The following RMI1 variants were observed in gnomAD, a reference collection of about 807,000 sequenced individuals.
The protein encoded by RMI1 is recQ-mediated genome instability protein 1.
RMI1 carries 36 observed loss-of-function variants against 46.7 expected under a neutral mutation model. That is an observed-to-expected ratio of 0.77 (90% CI 0.59 to 1.02). RMI1 has a LOEUF of 1.02. RMI1 is among the 50% of genes least tolerant of loss of function. RMI1 has a pLI of 0.00. For missense variants in RMI1, 676 were observed against 713.7 expected (o/e 0.95, Z 0.60); for synonymous variants, 250 against 252.9 (o/e 0.99, Z 0.11).
chr9:83,983,497 A>T (rs1957448546), intron 1 of RMI1, among the ~76,000 whole-genome samples: 1 of 152,198 alleles, frequency 6.6e-6, no homozygotes, highest in Non-Finnish European at 1.5e-5. Flanking sequence ...TTAGATGAAG[A>T]TAATGGAACT....
rs919346517 is a variant in RMI1 at position 83,982,543 on chromosome 9, C to T, written c.-126+1652C>T. ...ATTAGCCGGGTGTGGTTGCAGGAGC[C>T]TGTAGTCCCAGCTACTCAGGAGGCC... is the stretch of plus-strand genomic sequence containing the variant. On this transcript the variant is annotated intron_variant, in intron 1 of 2. Coordinates refer to ENST00000445877, the MANE Select transcript of RMI1 (RefSeq NM_001358291.2). Among the ~76,000 whole-genome samples, 18 of 152,242 alleles carry T rather than the reference C, an allele frequency of 1.2e-4. 1 individual carries two copies. The highest frequency in any genetic ancestry group is 6.8e-3 in the Middle Eastern group (2 of 294).
chr9:83,992,489 C>T (rs1454289698), intron 1 of RMI1, among the ~76,000 whole-genome samples: 1 of 150,842 alleles, frequency 6.6e-6, no homozygotes. Context: ...AGCATAAAAA[C>T]ATGGCACTAA....
chr9:83,993,928 C>T (rs1957611708), intron 1 of RMI1, among the ~76,000 whole-genome samples: 2 of 150,410 alleles, frequency 1.3e-5, no homozygotes, highest in East Asian at 2.0e-4. Flanking sequence ...TACAGGCGTG[C>T]GCCACCATGC....
At position 84,001,763 on chromosome 9, in the gene RMI1, AAAT is replaced by A; in HGVS notation, c.781_783del (p.Asn261del). On this transcript the variant is annotated inframe_deletion, in exon 3 of 3. Coordinates refer to ENST00000445877, the MANE Select transcript of RMI1 (RefSeq NM_001358291.2). ...TTGATGAAAATGATGAGCTTACAGC[AAAT>A]AATGACACTTCCTCAGAACGATGTT... 1 of 1,614,078 alleles carries A rather than the reference AAAT, an allele frequency of 6.2e-7. No individual in the cohort carries two copies. Among genetic ancestry groups the A allele is most frequent in the Non-Finnish European group, 8.5e-7 (1 of 1,179,974 alleles).
intron 1 of RMI1, among the ~76,000 whole-genome samples, chr9:83,994,179 T>C (rs917166473): frequency 2.6e-5 from 4 of 152,354 alleles, no homozygotes. Flanking sequence ...AGAAGTTCTT[T>C]ACATATTCTG....
At chr9:83,984,287 G>A (rs199943259) in intron 1 of RMI1, among the ~76,000 whole-genome samples, 35 of 66,396 alleles carry the variant, frequency 5.3e-4, no homozygotes, top group Middle Eastern at 0.017. Flanking sequence ...TTTTTTTTTT[G>A]AGACTGAGTT....
chr9:83,991,956 G>A (rs1424944752), intron 1 of RMI1, among the ~76,000 whole-genome samples: 2 of 152,034 alleles, frequency 1.3e-5, no homozygotes, highest in Non-Finnish European at 2.9e-5. Flanking sequence ...AATTGTCTTG[G>A]CAATTCTAGT....
chr9:83,983,783 A>G (rs1232335380), intron 1 of RMI1, among the ~76,000 whole-genome samples: 1 of 152,138 alleles, frequency 6.6e-6, no homozygotes, highest in Non-Finnish European at 1.5e-5. Context: ...TCATTCATAC[A>G]ATGCTAATCA....
At chr9:83,999,034 GGGA>G (rs1957699822) in intron 1 of RMI1, among the ~76,000 whole-genome samples, 1 of 152,044 alleles carries the variant, frequency 6.6e-6, no homozygotes, top group Non-Finnish European at 1.5e-5. Context: ...CCAGCTACTG[GGGA>G]TGCTGAGGCA....
At position 84,002,434 on chromosome 9, in the gene RMI1, C is replaced by T. The variant is rs149512376; in HGVS notation, c.1448C>T (p.Ala483Val). The change falls in exon 3 of 3, where the codon GCC becomes GTC. Residue 483 changes from alanine (A) to valine (V), a missense_variant. Coordinates refer to ENST00000445877, the MANE Select transcript of RMI1 (RefSeq NM_001358291.2). The part of the protein sequence containing the change: ...SSENSINLSI[A>V]MDLYSPPFVY... The stretch of plus-strand genomic sequence containing the variant: ...GAGAATAGCATTAATCTTTCTATTG[C>T]CATGGATTTGTATTCTCCACCCTTT... 3.7e-4 allele frequency: 602 copies of T among 1,613,730 alleles called. 2 individuals carry two copies. In the African/African-American group the frequency reaches 5.9e-3, roughly 16 times the overall value.
chr9:83,994,538 A>G (rs1447367478), intron 1 of RMI1, among the ~76,000 whole-genome samples: 1 of 152,162 alleles, frequency 6.6e-6, no homozygotes, highest in Non-Finnish European at 1.5e-5. Flanking sequence ...TCTCAACACC[A>G]TTTGCTGAAG....
intron 1 of RMI1, among the ~76,000 whole-genome samples, chr9:83,992,634 A>T (rs1462690341): frequency 3.3e-5 from 5 of 152,224 alleles, no homozygotes; most frequent in Admixed American, 6.5e-5. Context: ...TTCATGAATG[A>T]CCACGAGAGT....
intron 1 of RMI1, among the ~76,000 whole-genome samples, chr9:83,984,324 C>T (rs1368960367): frequency 6.8e-6 from 1 of 147,892 alleles, no homozygotes; most frequent in East Asian, 2.0e-4. Context: ...TGCTGGAGTG[C>T]AGTGGCGCAA....
chr9:83,986,328 C>A (rs1023767001), intron 1 of RMI1, among the ~76,000 whole-genome samples: 1 of 152,112 alleles, frequency 6.6e-6, no homozygotes, highest in African/African-American at 2.4e-5. Context: ...TCTGAGAATT[C>A]TGTTCATTAT....
chr9:84,002,614 TAG>T lies in RMI1; in HGVS notation c.1630_1631del (p.Asp544LeufsTer4), dbSNP rs758325559. 2.2e-5 allele frequency: 35 copies of T among 1,613,846 alleles called. No individual in the cohort carries two copies. Among genetic ancestry groups the T allele is most frequent in the Non-Finnish European group, 2.5e-5 (30 of 1,179,902 alleles). ...TCTGATGGTACTGCATATCTAGATG[TAG>T]ACTTTGTGGATGAAATACTTACTAG... On this transcript the variant is annotated frameshift_variant, in exon 3 of 3. Transcript: ENST00000445877. LOFTEE classifies it high-confidence loss of function.
chr9:83,981,227 G>C (rs1230432899), intron 1 of RMI1, among the ~76,000 whole-genome samples: 1 of 152,250 alleles, frequency 6.6e-6, no homozygotes, highest in Non-Finnish European at 1.5e-5. Context: ...CAGGGCTCTC[G>C]GTTCTGAGAC....
rs1451818693 is a variant in RMI1, at chr9:84,002,466, T to C, written c.1480T>C (p.Leu494=). The stretch of plus-strand genomic sequence containing the variant: ...TTTGTATTCTCCACCCTTTGTCTAT[T>C]TGTCTGTTCTAATGGCCAGCAAACC... The part of the protein sequence containing the change: ...MDLYSPPFVY[L]SVLMASKPKE... The change falls in exon 3 of 3, where the codon TTG becomes CTG. Residue 494 remains leucine (L), a synonymous_variant. Transcript: ENST00000445877. 6.2e-7 allele frequency: 1 copy of C among 1,613,862 alleles called. No homozygotes were observed. Among genetic ancestry groups the C allele is most frequent in the Non-Finnish European group, 8.5e-7 (1 of 1,179,952 alleles).
intron 1 of RMI1, among the ~76,000 whole-genome samples, chr9:83,995,624 C>T (rs899731945): frequency 1.3e-5 from 2 of 151,980 alleles, no homozygotes; most frequent in African/African-American, 2.4e-5. Flanking sequence ...GACGGGGTTT[C>T]ACCATATTGG....
At position 84,002,138 on chromosome 9, in the gene RMI1, T is replaced by C. The variant is rs1473319752; in HGVS notation, c.1152T>C (p.Asn384=). ...AAAATGTATCTGAACAAATGACTAATGAAGACAAATCATTTGGTTGTCCAT... is the reference window on the plus strand; with the variant it reads ...AAAATGTATCTGAACAAATGACTAACGAAGACAAATCATTTGGTTGTCCAT... The part of the protein sequence containing the change: ...SEKNVSEQMT[N]EDKSFGCPSV... Residue 384 remains asparagine, a synonymous_variant, in exon 3 of 3, where the codon AAT becomes AAC. Coordinates refer to ENST00000445877, the MANE Select transcript of RMI1 (RefSeq NM_001358291.2). 3.1e-6 allele frequency: 5 copies of C among 1,613,674 alleles called. No homozygotes were observed. In the East Asian group the frequency reaches 6.7e-5, roughly 22 times the overall value.
Sources: gnomAD v4.1 joint callset for allele counts (sites outside exome capture counted in the v4.1 genomes callset) on GRCh38, gnomAD v4.1.1 for gene constraint, MANE v1.5 for transcripts, NCBI Gene and HGNC (gene_info 2026-07-23, HGNC 2026-07-21) for gene names.